Variants in SGCD observed in about 807,000 individuals in gnomAD.
The protein encoded by SGCD is delta-sarcoglycan.
SGCD carries 18 observed loss-of-function variants against 36.6 expected under a neutral mutation model. That is an observed-to-expected ratio of 0.49 (90% confidence interval 0.34 to 0.73). The LOEUF is 0.73. Ranked by LOEUF, SGCD falls within the 30% of genes least tolerant of loss-of-function variation. The pLI is 0.01. For missense variants in SGCD, 387 were observed against 346.7 expected (o/e 1.12, Z -0.92); for synonymous variants, 133 against 130.6 (o/e 1.02, Z -0.12).
intron 4 of SGCD, among the ~76,000 whole-genome samples, chr5:156,555,054 A>G (rs1470851803): frequency 6.6e-6 from 1 of 152,050 alleles, no homozygotes; most frequent in African/African-American, 2.4e-5. Context: ...GTTGATTCAG[A>G]TCTTTTGTCC....
At chr5:155,947,827 T>TGG (rs1433635553) in intron 1 of SGCD, among the ~76,000 whole-genome samples, 2 of 152,016 alleles carry the variant, frequency 1.3e-5, no homozygotes, top group Non-Finnish European at 2.9e-5. Flanking sequence ...GAAGAGATAC[T>TGG]GGAGAGAGAG....
the SGCD span, among the ~76,000 whole-genome samples, chr5:155,735,604 A>T: frequency 6.6e-6 from 1 of 152,210 alleles, no homozygotes; most frequent in African/African-American, 2.4e-5. Context: ...GCTGAGAGTG[A>T]TTAACACATG....
chr5:156,006,087 T>C (rs574642748), intron 1 of SGCD, among the ~76,000 whole-genome samples: 2 of 152,316 alleles, frequency 1.3e-5, no homozygotes, highest in South Asian at 2.1e-4. Flanking sequence ...ATGCAGTTTG[T>C]AGGCATTAGC....
chr5:155,899,129 G>T (rs1455385579), intron 1 of SGCD, among the ~76,000 whole-genome samples: 1 of 152,098 alleles, frequency 6.6e-6, no homozygotes, highest in African/African-American at 2.4e-5. Context: ...AAGAGAAAGA[G>T]GGAGATTTAT....
chr5:156,031,728 G>A (rs1759351305), intron 1 of SGCD, among the ~76,000 whole-genome samples: 1 of 152,136 alleles, frequency 6.6e-6, no homozygotes, highest in African/African-American at 2.4e-5. Flanking sequence ...TTAAAGTTCA[G>A]CACCAATCTG....
intron 1 of SGCD, among the ~76,000 whole-genome samples, chr5:155,973,738 A>G (rs1349733338): frequency 1.3e-5 from 2 of 152,214 alleles, no homozygotes; most frequent in East Asian, 3.8e-4. Flanking sequence ...TGTCCAGTTA[A>G]TAATTAAATG....
intron 6 of SGCD, among the ~76,000 whole-genome samples, chr5:156,625,562 C>A (rs1398214016): frequency 1.3e-5 from 2 of 152,092 alleles, no homozygotes; most frequent in African/African-American, 4.8e-5. Flanking sequence ...ATGCTAGATT[C>A]CAGTTAGAGG....
chr5:156,305,844 A>G (rs1767196046), intron 3 of SGCD, among the ~76,000 whole-genome samples: 1 of 152,138 alleles, frequency 6.6e-6, no homozygotes, highest in Non-Finnish European at 1.5e-5. Context: ...ATGGAGTCAA[A>G]GGAGAGAGAT....
the SGCD span, among the ~76,000 whole-genome samples, chr5:155,808,883 C>T: frequency 6.6e-6 from 1 of 152,164 alleles, no homozygotes; most frequent in Non-Finnish European, 1.5e-5. Context: ...AGAGACAGAT[C>T]TAGGTTTTTA....
intron 7 of SGCD, among the ~76,000 whole-genome samples, chr5:156,652,584 C>T (rs1763503903): frequency 6.6e-6 from 1 of 152,098 alleles, no homozygotes; most frequent in South Asian, 2.1e-4. Flanking sequence ...ATTTATTTCT[C>T]TTGCCTGATT....
At chr5:156,346,788 T>TC (rs1446167867) in intron 3 of SGCD, among the ~76,000 whole-genome samples, 1 of 151,564 alleles carries the variant, frequency 6.6e-6, no homozygotes, top group Non-Finnish European at 1.5e-5. Context: ...CTTTATTTTT[T>TC]TATTTTTTTT....
intron 1 of SGCD, among the ~76,000 whole-genome samples, chr5:156,025,215 A>G (rs1266104206): frequency 6.6e-6 from 1 of 152,110 alleles, no homozygotes; most frequent in Non-Finnish European, 1.5e-5. Flanking sequence ...CATGGTGTTC[A>G]TGATCTCCCC....
chr5:156,117,981 G>A (rs954772912), intron 2 of SGCD: 2 of 152,130 alleles, frequency 1.3e-5, no homozygotes, highest in African/African-American at 4.8e-5. Context: ...GCTGATATCA[G>A]TTATGCTGAT....
chr5:155,972,401 G>T (rs1308776547), intron 1 of SGCD, among the ~76,000 whole-genome samples: 1 of 152,094 alleles, frequency 6.6e-6, no homozygotes, highest in Non-Finnish European at 1.5e-5. Flanking sequence ...CTAATACTAT[G>T]TTGTGAACAT....
At chr5:155,764,829 C>CT in the SGCD span, among the ~76,000 whole-genome samples, 1 of 152,098 alleles carries the variant, frequency 6.6e-6, no homozygotes, top group African/African-American at 2.4e-5. Context: ...ATGATAAGAT[C>CT]TGGGGGGAGG....
intron 3 of SGCD, among the ~76,000 whole-genome samples, chr5:156,300,944 C>G (rs945647052): frequency 2.0e-4 from 25 of 128,130 alleles, no homozygotes; most frequent in Non-Finnish European, 9.8e-5. Flanking sequence ...CTCTTTTGGT[C>G]TCTATGGCAT....
the SGCD span, among the ~76,000 whole-genome samples, chr5:155,853,243 A>C: frequency 6.6e-6 from 1 of 152,138 alleles, no homozygotes; most frequent in Non-Finnish European, 1.5e-5. Flanking sequence ...TTAAAAATTC[A>C]GAGCCCACCC....
chr5:156,603,161 A>G (rs1761269670), intron 6 of SGCD, among the ~76,000 whole-genome samples: 1 of 151,962 alleles, frequency 6.6e-6, no homozygotes, highest in Non-Finnish European at 1.5e-5. Flanking sequence ...TCATAATCCA[A>G]TCTTGTTAGG....
At chr5:156,121,010 T>C (rs1762025175) in intron 2 of SGCD, among the ~76,000 whole-genome samples, 1 of 152,092 alleles carries the variant, frequency 6.6e-6, no homozygotes, top group South Asian at 2.1e-4. Flanking sequence ...AACATGACTT[T>C]CTCATGTTAC....
Sources: allele counts gnomAD v4.1 joint callset (sites outside exome capture counted in the v4.1 genomes callset), GRCh38; gene constraint gnomAD v4.1.1; transcripts MANE v1.5; gene names NCBI Gene and HGNC (gene_info 2026-07-23, HGNC 2026-07-21).